Variants in BRDT observed in about 807,000 individuals in gnomAD.
The protein encoded by BRDT is bromodomain testis-specific protein.
A neutral mutation model predicts 113.9 loss-of-function variants in BRDT; 77 were observed. The observed-to-expected ratio is 0.68, with a 90% CI of 0.56 to 0.82. BRDT has a LOEUF of 0.82. BRDT is among the 40% of genes least tolerant of loss of function. The pLI is 0.00. For synonymous variants in BRDT, 358 were observed against 366.5 expected (o/e 0.98, Z 0.26); for missense variants, 1,027 against 1,105.4 (o/e 0.93, Z 1.01).
intron 15 of BRDT, among the ~76,000 whole-genome samples, chr1:91,995,566 G>A (rs1158758931): frequency 1.3e-5 from 2 of 151,748 alleles, no homozygotes; most frequent in East Asian, 1.9e-4. Context: ...GGGTTTAAGC[G>A]ATTCTCCTGC....
intron 1 of BRDT, among the ~76,000 whole-genome samples, chr1:91,954,835 C>T (rs1681563018): frequency 6.6e-6 from 1 of 152,042 alleles, no homozygotes; most frequent in Non-Finnish European, 1.5e-5. Context: ...TGGTGGCATG[C>T]AGCTGTAGTC....
At chr1:92,004,757 A>C in intron 17 of BRDT, 138 bp downstream of exon 17, 1 of 737,010 alleles carries the variant, frequency 1.4e-6, no homozygotes, top group East Asian at 2.9e-5. Context: ...CAAAAAGTAC[A>C]TTTGATACTT....
At chr1:91,955,263 T>C (rs1047988842) in intron 1 of BRDT, among the ~76,000 whole-genome samples, 5 of 152,006 alleles carry the variant, frequency 3.3e-5, no homozygotes, top group African/African-American at 1.2e-4. Context: ...CAAGACAGCC[T>C]GGCCAACATG....
chr1:91,986,495 A>G (rs1685253538), intron 12 of BRDT, among the ~76,000 whole-genome samples: 1 of 152,218 alleles, frequency 6.6e-6, no homozygotes, highest in Admixed American at 6.5e-5. Flanking sequence ...AAGAAACTAA[A>G]TGGTCATGAC....
chr1:91,952,336 A>G (rs1362816351), intron 1 of BRDT: 1 of 152,106 alleles, frequency 6.6e-6, no homozygotes, highest in Non-Finnish European at 1.5e-5. Flanking sequence ...GGCTGTAAAG[A>G]CAGTGGGTGG....
chr1:91,955,499 G>A (rs907686284), intron 1 of BRDT, among the ~76,000 whole-genome samples: 8 of 152,098 alleles, frequency 5.3e-5, no homozygotes, highest in African/African-American at 1.9e-4. Context: ...GGGTTCTTTT[G>A]TAGGACTCTT....
At chr1:91,953,239 G>A (rs994303819) in intron 1 of BRDT, among the ~76,000 whole-genome samples, 1 of 152,108 alleles carries the variant, frequency 6.6e-6, no homozygotes, top group Non-Finnish European at 1.5e-5. Flanking sequence ...TGGAATTAGT[G>A]TATAAGCTCA....
intron 12 of BRDT, among the ~76,000 whole-genome samples, chr1:91,988,011 G>A (rs897088797): frequency 9.2e-5 from 14 of 151,730 alleles, no homozygotes; most frequent in African/African-American, 9.7e-5. Context: ...CACCACGCCC[G>A]GCTAATTTTT....
chr1:91,960,288 A>T (rs1557803485), intron 1 of BRDT, among the ~76,000 whole-genome samples: 1 of 152,198 alleles, frequency 6.6e-6, no homozygotes, highest in Non-Finnish European at 1.5e-5. Flanking sequence ...AAGAAGTGGA[A>T]GCAACCCAAG....
intron 16 of BRDT, among the ~76,000 whole-genome samples, chr1:92,003,727 TG>T (rs769051822): frequency 2.0e-5 from 3 of 152,324 alleles, no homozygotes; most frequent in Non-Finnish European, 4.4e-5. Flanking sequence ...AAATGTAAAT[TG>T]GGATGACTTA....
At chr1:91,972,523 C>A (rs1055689407) in intron 4 of BRDT, among the ~76,000 whole-genome samples, 1 of 152,118 alleles carries the variant, frequency 6.6e-6, no homozygotes, top group African/African-American at 2.4e-5. Flanking sequence ...CATTTTTGTG[C>A]CCTAGCACCT....
At chr1:91,994,021 T>C (rs1335456132) in intron 14 of BRDT, 62 bp from the exon 15 acceptor site, 3 of 1,326,616 alleles carry the variant, frequency 2.3e-6, no homozygotes, top group Non-Finnish European at 3.0e-6. Flanking sequence ...GTGTTTCTGT[T>C]CTCTTTGGTA....
intron 12 of BRDT, among the ~76,000 whole-genome samples, chr1:91,988,979 A>G (rs937291150): frequency 1.3e-5 from 2 of 151,900 alleles, no homozygotes; most frequent in African/African-American, 4.8e-5. Flanking sequence ...CCTTTTGCTA[A>G]TATCTTTAGA....
intron 4 of BRDT, among the ~76,000 whole-genome samples, chr1:91,975,136 T>TA (rs1684006141): frequency 6.6e-6 from 1 of 151,104 alleles, no homozygotes; most frequent in Non-Finnish European, 1.5e-5. Flanking sequence ...TGTCGTGGGG[T>TA]AGGGGGAGTG....
At chr1:91,952,809 G>A (rs1396204880) in intron 1 of BRDT, among the ~76,000 whole-genome samples, 1 of 147,466 alleles carries the variant, frequency 6.8e-6, no homozygotes, top group East Asian at 2.0e-4. Context: ...GAGGGACCAA[G>A]GGCCTTCCAG....
chr1:91,996,685 C>T (rs752514632), intron 15 of BRDT, among the ~76,000 whole-genome samples: 1 of 152,226 alleles, frequency 6.6e-6, no homozygotes, highest in Non-Finnish European at 1.5e-5. Flanking sequence ...AAAACTAACA[C>T]AGCAACTGTA....
At chr1:91,995,858 G>A (rs952667795) in intron 15 of BRDT, among the ~76,000 whole-genome samples, 2 of 151,870 alleles carry the variant, frequency 1.3e-5, no homozygotes, top group African/African-American at 2.4e-5. Flanking sequence ...GGCTGGTCTC[G>A]AACTCTTGAC....
At chr1:91,950,115 G>C (rs890580095) in intron 1 of BRDT, 1 of 152,106 alleles carries the variant, frequency 6.6e-6, no homozygotes, top group Non-Finnish European at 1.5e-5. Flanking sequence ...CAGGATTGTG[G>C]TGGGCTTTAC....
Position 91,976,261 on chromosome 1 carries a change from T to C in BRDT, c.446-5T>C, listed in dbSNP as rs758693863. 5.7e-6 allele frequency: 9 copies of C among 1,582,974 alleles called. No individual in the cohort carries two copies. In the East Asian group the frequency reaches 1.8e-4, roughly 32 times the overall value. ...TATATTTGATTCTGGCTCATACTTT[T>C]CCAGGCACTCAACAGAATATAGCTG... On this transcript the variant is annotated splice_region_variant and splice_polypyrimidine_tract_variant and intron_variant, in intron 4 of 18. Coordinates refer to ENST00000399546, the MANE Select transcript of BRDT (RefSeq NM_207189.4).
Sources: allele counts gnomAD v4.1 joint callset (sites outside exome capture counted in the v4.1 genomes callset), GRCh38; gene constraint gnomAD v4.1.1; transcripts MANE v1.5; gene names NCBI Gene and HGNC (gene_info 2026-07-23, HGNC 2026-07-21).